Variants in KMT5B observed in about 807,000 individuals in gnomAD.
The protein encoded by KMT5B is histone-lysine N-methyltransferase KMT5B.
KMT5B carries 10 observed loss-of-function variants against 83.2 expected under a neutral mutation model. The ratio of observed to expected loss-of-function variants is 0.12; its 90% confidence interval spans 0.07 to 0.20. KMT5B has a LOEUF of 0.20. Among genes scored for constraint, KMT5B ranks in the 10% least tolerant of loss-of-function variants. KMT5B has a pLI of 1.00. For missense variants in KMT5B, 753 were observed against 1,067.2 expected (o/e 0.71, Z 4.10); for synonymous variants, 349 against 388.8 (o/e 0.90, Z 1.20).
At chr11:68,206,458 G>A (rs1409528874) in intron 1 of KMT5B, among the ~76,000 whole-genome samples, 3 of 152,322 alleles carry the variant, frequency 2.0e-5, no homozygotes, top group South Asian at 2.1e-4. Flanking sequence ...GACGTTAGAG[G>A]CCACTTTGAG....
At position 68,184,127 on chromosome 11, in the gene KMT5B, T is replaced by C. The variant is rs539183787; in HGVS notation, c.308+1654A>G. Among the ~76,000 whole-genome samples, 5 of 152,142 alleles carry C rather than the reference T, an allele frequency of 3.3e-5. No individual in the cohort carries two copies. The South Asian group carries it at 1.0e-3, about 32-fold the overall frequency. ...GGCTCACGTCTATAATCCCAGCACT[T>C]TGGGAGGCTGAGGCAGGTGGATCAC... On this transcript the variant is annotated intron_variant, in intron 3 of 10. Coordinates refer to ENST00000304363, the MANE Select transcript of KMT5B (RefSeq NM_017635.5).
chr11:68,183,019 A>G (rs1400473887), intron 3 of KMT5B, among the ~76,000 whole-genome samples: 4 of 152,070 alleles, frequency 2.6e-5, no homozygotes, highest in Non-Finnish European at 5.9e-5. Context: ...TACAGGCGTG[A>G]GCCACCGCAC....
At chr11:68,205,059 A>G (rs915232414) in intron 1 of KMT5B, among the ~76,000 whole-genome samples, 2 of 152,204 alleles carry the variant, frequency 1.3e-5, no homozygotes, top group Non-Finnish European at 2.9e-5. Flanking sequence ...ATGTCACAGG[A>G]AAAAAGATTT....
At chr11:68,182,369 A>T (rs1004709808) in intron 3 of KMT5B, among the ~76,000 whole-genome samples, 1 of 152,222 alleles carries the variant, frequency 6.6e-6, no homozygotes, top group African/African-American at 2.4e-5. Flanking sequence ...ACTGAATCAG[A>T]GCCTGCATTT....
In KMT5B at chr11:68,156,816, C is replaced by T. The variant is rs1346633721; in HGVS notation, c.*872G>A. ...TTTTAATATTCCTTGTAGCATTTTA[C>T]AAGTGCAACAGAAAACTTGAAGAAC... On this transcript the variant is annotated 3_prime_UTR_variant, in exon 11 of 11. Transcript: ENST00000304363. The T allele has an allele frequency of 6.6e-6, 1 of 152,504 alleles. No individual in the cohort carries two copies. 9.4% of individuals were successfully genotyped at this position (152,504 alleles called of 1,614,324 possible).
At chr11:68,164,493 A>T (rs939910323) in intron 10 of KMT5B, among the ~76,000 whole-genome samples, 30 of 152,214 alleles carry the variant, frequency 2.0e-4, no homozygotes, top group African/African-American at 6.0e-4. Flanking sequence ...ACACCAAAAG[A>T]AATACAGCCT....
Position 68,174,495 on chromosome 11 carries a change from T to A in KMT5B, c.543+523A>T, listed in dbSNP as rs554225316. Among the ~76,000 whole-genome samples, 6 of 152,280 alleles carry A rather than the reference T, an allele frequency of 3.9e-5. No individual in the cohort carries two copies. In the East Asian group the frequency reaches 1.2e-3, roughly 29 times the overall value. ...AATGGCTTGTTTCCCTTAAGGCTCA[T>A]AATGAATTTCACCTCTATATGACAA... On this transcript the variant is annotated intron_variant, in intron 5 of 10. Transcript: ENST00000304363.
intron 10 of KMT5B, among the ~76,000 whole-genome samples, chr11:68,159,635 T>C (rs1162073290): frequency 6.6e-6 from 1 of 152,222 alleles, no homozygotes. Context: ...GCCATTAACA[T>C]AGAGTAGAAA....
chr11:68,209,607 C>G (rs989893654), intron 1 of KMT5B, among the ~76,000 whole-genome samples: 7 of 152,128 alleles, frequency 4.6e-5, no homozygotes, highest in Non-Finnish European at 1.0e-4. Flanking sequence ...TACTGGTTCC[C>G]CTAACATGCA....
intron 1 of KMT5B, among the ~76,000 whole-genome samples, chr11:68,210,949 G>C (rs1860817920): frequency 6.6e-6 from 1 of 152,130 alleles, no homozygotes; most frequent in African/African-American, 2.4e-5. Context: ...GGACCACGGC[G>C]ATTTATCTGA....
Position 68,174,274 on chromosome 11 carries a change from C to T in KMT5B, c.544-361G>A, listed in dbSNP as rs1856133631. The T allele has an allele frequency of 2.9e-5, 10 of 342,654 alleles. 1 individual carries two copies. The highest frequency in any genetic ancestry group is 2.2e-4 in the South Asian group (10 of 44,766). 21.2% of individuals were successfully genotyped at this position (342,654 alleles called of 1,614,324 possible). A position where few individuals can be genotyped will look rare whatever the true frequency, so the allele number is the denominator to read the frequency against. On this transcript the variant is annotated intron_variant, in intron 5 of 10. Coordinates refer to ENST00000304363, the MANE Select transcript of KMT5B (RefSeq NM_017635.5). ...TTAGGTAACAAACTTTATTGTTACT[C>T]AAGAGTTTTGAATGTCACAATTTTT...
At chr11:68,176,472 T>C (rs1856389515) in intron 4 of KMT5B, 1 of 152,190 alleles carries the variant, frequency 6.6e-6, no homozygotes, top group Non-Finnish European at 1.5e-5. Context: ...AGTTTTATTT[T>C]ATTTTCATAA....
At chr11:68,181,973 T>G (rs750649077) in intron 3 of KMT5B, among the ~76,000 whole-genome samples, 29 of 152,360 alleles carry the variant, frequency 1.9e-4, no homozygotes, top group Non-Finnish European at 3.4e-4. Context: ...CAGAATCGTC[T>G]GTACTTCCAC....
At chr11:68,188,133 T>A (rs1591014233) in intron 2 of KMT5B, among the ~76,000 whole-genome samples, 1 of 150,958 alleles carries the variant, frequency 6.6e-6, no homozygotes, top group African/African-American at 2.4e-5. Flanking sequence ...CACACCATTC[T>A]CCCGCCTCAG....
intron 1 of KMT5B, among the ~76,000 whole-genome samples, chr11:68,202,710 G>A (rs943005067): frequency 1.1e-4 from 16 of 150,386 alleles, no homozygotes; most frequent in South Asian, 6.3e-4. Context: ...CACTATGCCC[G>A]GCTAATTTTT....
intron 6 of KMT5B, among the ~76,000 whole-genome samples, chr11:68,172,035 T>A (rs1855885328): frequency 6.6e-6 from 1 of 152,112 alleles, no homozygotes; most frequent in Non-Finnish European, 1.5e-5. Flanking sequence ...CGGCAATGAA[T>A]TAAACTTTCT....
chr11:68,157,480 G>T lies in KMT5B; in HGVS notation c.*208C>A. On this transcript the variant is annotated 3_prime_UTR_variant, in exon 11 of 11. Coordinates refer to ENST00000304363, the MANE Select transcript of KMT5B (RefSeq NM_017635.5). Reference sequence around the variant, plus strand: ...CTTTACCTCTAACTCAGAATTGCACGTAAGAAGGCTATTTAAAAAGTACGA... The same window carrying T: ...CTTTACCTCTAACTCAGAATTGCACTTAAGAAGGCTATTTAAAAAGTACGA... 2 of 654,352 alleles carry T rather than the reference G, an allele frequency of 3.1e-6. No homozygotes were observed. Among genetic ancestry groups the T allele is most frequent in the Non-Finnish European group, 2.2e-6 (1 of 459,874 alleles). The allele number at this position is 654,352 out of a possible 1,614,324, so 40.5% of individuals were successfully genotyped here.
intron 10 of KMT5B, among the ~76,000 whole-genome samples, chr11:68,160,598 G>A (rs1191852784): frequency 6.6e-6 from 1 of 152,202 alleles, no homozygotes; most frequent in African/African-American, 2.4e-5. Flanking sequence ...CAGGTTGCCA[G>A]GGCAACTGCC....
At chr11:68,194,087 C>T (rs1858411890) in intron 1 of KMT5B, among the ~76,000 whole-genome samples, 1 of 151,686 alleles carries the variant, frequency 6.6e-6, no homozygotes, top group Non-Finnish European at 1.5e-5. Context: ...CTAAAATGGA[C>T]TTCATTTAAA....
Sources: gnomAD v4.1 joint callset for allele counts (sites outside exome capture counted in the v4.1 genomes callset) on GRCh38, gnomAD v4.1.1 for gene constraint, MANE v1.5 for transcripts, NCBI Gene and HGNC (gene_info 2026-07-23, HGNC 2026-07-21) for gene names.